The following FMN1 variants were observed in gnomAD, a reference collection of about 807,000 sequenced individuals.
FMN1 encodes formin-1.
FMN1 carries 110 observed loss-of-function variants against 132.4 expected under a neutral mutation model. The observed-to-expected ratio is 0.83, with a 90% confidence interval of 0.71 to 0.97. The LOEUF (loss-of-function observed/expected upper bound fraction) is 0.97, where lower values mean the gene tolerates loss of function less well. Ranked by LOEUF, FMN1 falls within the 50% of genes least tolerant of loss-of-function variation. FMN1 has a pLI of 0.00. For synonymous variants in FMN1, 722 were observed against 651.7 expected (o/e 1.11, Z -1.64); for missense variants, 1,792 against 1,705.3 (o/e 1.05, Z -0.90).
intron 4 of FMN1, among the ~76,000 whole-genome samples, chr15:33,135,841 C>T (rs2140238440): frequency 6.6e-6 from 1 of 152,298 alleles, no homozygotes; most frequent in East Asian, 1.9e-4. Context: ...TTCCCATCAC[C>T]CACATGCCCT....
chr15:32,863,624 C>T (rs561531730), intron 16 of FMN1, among the ~76,000 whole-genome samples: 4 of 152,156 alleles, frequency 2.6e-5, no homozygotes, highest in East Asian at 1.9e-4. Context: ...GGGTATGGCA[C>T]GCAGTAATTA....
intron 6 of FMN1, among the ~76,000 whole-genome samples, chr15:33,029,332 T>C (rs181073654): frequency 6.8e-4 from 104 of 152,210 alleles, no homozygotes; most frequent in African/African-American, 2.4e-3. Context: ...TTTTCTACCA[T>C]ACTCTGAAGC....
chr15:32,804,437 CGGGGGGG>C lies in FMN1; in HGVS notation c.3929-112_3929-106del, dbSNP rs57088967. On this transcript the variant is annotated intron_variant, in intron 17 of 20. Coordinates refer to ENST00000616417, the MANE Select transcript of FMN1 (RefSeq NM_001277313.2). ...TTCATTACCACAGGAGGTCTGAATT[CGGGGGGG>C]GGGGGGGGGGGTAGCCTGTAACACA... 1.4e-3 allele frequency: 34 copies of C among 24,178 alleles called. 5 individuals are homozygous for C. Among genetic ancestry groups the C allele is most frequent in the African/African-American group, 3.8e-3 (17 of 4,446 alleles). 1.5% of individuals were successfully genotyped at this position (24,178 alleles called of 1,614,324 possible).
At chr15:33,086,730 C>T (rs2038711834) in intron 5 of FMN1, among the ~76,000 whole-genome samples, 1 of 152,158 alleles carries the variant, frequency 6.6e-6, no homozygotes. Flanking sequence ...TCTAAAGACG[C>T]ACAACTTTAT....
At position 33,129,377 on chromosome 15, in the gene FMN1, T is replaced by C. The variant is rs566966465; in HGVS notation, c.1867+23671A>G. Among the ~76,000 whole-genome samples, 4 of 152,356 alleles carry C rather than the reference T, an allele frequency of 2.6e-5. No individual in the cohort carries two copies. The South Asian group carries it at 6.2e-4, about 24-fold the overall frequency. Reference sequence around the variant, plus strand: ...AATAAATCTGAGGCTGGTGTAGCAATGTGTATAAATAACCGTGGTAAGATT... The same window carrying C: ...AATAAATCTGAGGCTGGTGTAGCAACGTGTATAAATAACCGTGGTAAGATT... On this transcript the variant is annotated intron_variant, in intron 4 of 20. Coordinates refer to ENST00000616417, the MANE Select transcript of FMN1 (RefSeq NM_001277313.2).
At chr15:33,019,877 C>T (rs908559081) in intron 6 of FMN1, among the ~76,000 whole-genome samples, 2 of 152,190 alleles carry the variant, frequency 1.3e-5, no homozygotes, top group African/African-American at 4.8e-5. Context: ...TCCCCGCAAG[C>T]GGAGGGAGCC....
At chr15:32,983,012 A>G (rs1391394041) in intron 7 of FMN1, among the ~76,000 whole-genome samples, 1 of 152,178 alleles carries the variant, frequency 6.6e-6, no homozygotes, top group Non-Finnish European at 1.5e-5. Flanking sequence ...ATATATCTAT[A>G]TATTTTACGT....
At chr15:32,979,814 A>T (rs2032507510) in intron 7 of FMN1, among the ~76,000 whole-genome samples, 1 of 152,186 alleles carries the variant, frequency 6.6e-6, no homozygotes, top group South Asian at 2.1e-4. Context: ...TGTTCACTGT[A>T]TCCCATGAGC....
Position 32,798,868 on chromosome 15 carries a change from A to C in FMN1, c.4066T>G (p.Tyr1356Asp). The stretch of plus-strand genomic sequence containing the variant: ...GTCTTGAAGTCACTGCAGAACTCAT[A>C]CCACACCATAAACACGTAGCTGGGT... Reference protein sequence around the residue: ...ITPSYVFMVWYEFCSDFKTIW... With the variant: ...ITPSYVFMVWDEFCSDFKTIW... Residue 1356 changes from tyrosine (Y) to aspartate (D), a missense_variant, in exon 19 of 21, where the codon TAT (tyrosine) becomes GAT (aspartate). By Grantham distance (160) the Tyr-to-Asp change is radical (BLOSUM62 -3). Around this residue, in one of 3 missense-constraint regions of FMN1, gnomAD observed 1,150 missense variants for 1,043.1 expected, o/e 1.10. Transcript: ENST00000616417. 1.2e-6 allele frequency: 2 copies of C among 1,613,688 alleles called. No individual in the cohort carries two copies. The highest frequency in any genetic ancestry group is 4.5e-5 in the East Asian group (2 of 44,876).
At position 33,108,990 on chromosome 15, in the gene FMN1, C is replaced by T. The variant is rs558123050; in HGVS notation, c.1868-20016G>A. Among the ~76,000 whole-genome samples, 8 of 152,166 alleles carry T rather than the reference C, an allele frequency of 5.3e-5. No individual in the cohort carries two copies. In the South Asian group the frequency reaches 1.7e-3, roughly 32 times the overall value. On this transcript the variant is annotated intron_variant, in intron 4 of 20. Transcript: ENST00000616417. ...AGAGAAGGAGTTATCCAGTCTAATA[C>T]TAAAAATGTCCCCATGCCTACAATT...
chr15:32,934,212 T>A (rs933105709), intron 9 of FMN1, among the ~76,000 whole-genome samples: 7 of 152,170 alleles, frequency 4.6e-5, no homozygotes, highest in African/African-American at 1.7e-4. Context: ...CTAATTTCAA[T>A]CACATATACA....
chr15:33,046,037 C>A (rs987819850), intron 6 of FMN1, among the ~76,000 whole-genome samples: 1 of 151,976 alleles, frequency 6.6e-6, no homozygotes, highest in South Asian at 2.1e-4. Context: ...TCTTGCCTTG[C>A]TGAAATGGTA....
chr15:33,031,497 A>G (rs1222365511), intron 6 of FMN1, among the ~76,000 whole-genome samples: 1 of 152,114 alleles, frequency 6.6e-6, no homozygotes, highest in Non-Finnish European at 1.5e-5. Context: ...CCCCACCCAC[A>G]GGTTTTTTTC....
intron 4 of FMN1, among the ~76,000 whole-genome samples, chr15:33,123,838 T>C (rs985813902): frequency 1.3e-5 from 2 of 152,188 alleles, no homozygotes; most frequent in Non-Finnish European, 2.9e-5. Flanking sequence ...CAGAATAGAA[T>C]TTGTTCATAT....
chr15:33,099,310 T>C (rs1277086265), intron 4 of FMN1, among the ~76,000 whole-genome samples: 1 of 152,188 alleles, frequency 6.6e-6, no homozygotes, highest in Non-Finnish European at 1.5e-5. Context: ...AATCTATCAA[T>C]AAACTCTTTC....
At chr15:32,849,377 CTAA>C (rs1214041273) in intron 17 of FMN1, among the ~76,000 whole-genome samples, 2 of 151,880 alleles carry the variant, frequency 1.3e-5, no homozygotes, top group Non-Finnish European at 2.9e-5. Context: ...AATAATATAC[CTAA>C]TAATAACATA....
At chr15:32,951,117 T>C (rs1355753145) in intron 9 of FMN1, among the ~76,000 whole-genome samples, 1 of 152,194 alleles carries the variant, frequency 6.6e-6, no homozygotes, top group Non-Finnish European at 1.5e-5. Context: ...AATAACTTCA[T>C]ATTTTAAGAG....
intron 8 of FMN1, among the ~76,000 whole-genome samples, chr15:32,966,712 A>AT (rs770748448): frequency 2.0e-5 from 3 of 152,188 alleles, no homozygotes; most frequent in Non-Finnish European, 2.9e-5. Flanking sequence ...GAAAATTCAC[A>AT]TTTTGTTTCT....
At chr15:32,828,287 G>C (rs193215370) in intron 17 of FMN1, among the ~76,000 whole-genome samples, 1 of 152,164 alleles carries the variant, frequency 6.6e-6, no homozygotes, top group Non-Finnish European at 1.5e-5. Flanking sequence ...AAGAGACAAA[G>C]TAATTAGATC....
Sources: allele counts gnomAD v4.1 joint callset (sites outside exome capture counted in the v4.1 genomes callset), GRCh38; gene constraint gnomAD v4.1.1; regional missense constraint gnomAD v4.1.1; transcripts MANE v1.5; gene names NCBI Gene and HGNC (gene_info 2026-07-23, HGNC 2026-07-21).